The following AUTS2 variants were observed in gnomAD, a reference collection of about 807,000 sequenced individuals.
The protein encoded by AUTS2 is activator of transcription and developmental regulator AUTS2.
In AUTS2, 17 loss-of-function variants were observed where a neutral mutation model predicts 112.4. The ratio of observed to expected loss-of-function variants is 0.15; its 90% CI spans 0.10 to 0.23. The LOEUF (loss-of-function observed/expected upper bound fraction) is 0.23, where lower values mean the gene tolerates loss of function less well. AUTS2 is among the 10% of genes least tolerant of loss of function. AUTS2 has a pLI of 1.00. For synonymous variants in AUTS2, 751 were observed against 702.7 expected (o/e 1.07, Z -1.09); for missense variants, 1,510 against 1,701.6 (o/e 0.89, Z 1.98).
At chr7:70,289,387 G>A (rs961529395) in intron 4 of AUTS2, among the ~76,000 whole-genome samples, 4 of 152,242 alleles carry the variant, frequency 2.6e-5, no homozygotes, top group Admixed American at 1.3e-4. Context: ...TCTTTCATTC[G>A]TGTGCCTATT....
At chr7:70,160,719 C>T (rs932066642) in intron 4 of AUTS2, among the ~76,000 whole-genome samples, 1 of 152,168 alleles carries the variant, frequency 6.6e-6, no homozygotes, top group African/African-American at 2.4e-5. Context: ...TGTGAAAGGG[C>T]CTTCATCAAT....
chr7:70,369,633 A>G (rs1243916500), intron 4 of AUTS2, among the ~76,000 whole-genome samples: 1 of 152,156 alleles, frequency 6.6e-6, no homozygotes, highest in African/African-American at 2.4e-5. Flanking sequence ...ATTATGGGAC[A>G]TCAGGTTGAA....
chr7:70,638,546 G>A (rs891481897), intron 5 of AUTS2, among the ~76,000 whole-genome samples: 1 of 151,622 alleles, frequency 6.6e-6, no homozygotes, highest in South Asian at 2.1e-4. Context: ...GCCTGTTCCC[G>A]ATCACTCACT....
intron 5 of AUTS2, among the ~76,000 whole-genome samples, chr7:70,477,876 A>G (rs1307431040): frequency 6.2e-5 from 2 of 32,238 alleles, no homozygotes; most frequent in Non-Finnish European, 1.1e-4. Flanking sequence ...CATTCACCAA[A>G]GATGTTGGGT....
At chr7:70,386,995 T>TTTA (rs1244941766) in intron 4 of AUTS2, among the ~76,000 whole-genome samples, 5 of 152,200 alleles carry the variant, frequency 3.3e-5, no homozygotes, top group Admixed American at 6.5e-5. Context: ...TGCCCTCTTT[T>TTTA]TTATTCTCTT....
chr7:69,605,676 A>G (rs1203271689), intron 1 of AUTS2, among the ~76,000 whole-genome samples: 1 of 152,214 alleles, frequency 6.6e-6, no homozygotes, highest in Non-Finnish European at 1.5e-5. Flanking sequence ...AAAGGGTCAG[A>G]ACCGCTCTTT....
chr7:69,757,851 A>T (rs1419954574), intron 1 of AUTS2, among the ~76,000 whole-genome samples: 1 of 152,252 alleles, frequency 6.6e-6, no homozygotes, highest in Non-Finnish European at 1.5e-5. Flanking sequence ...AATGTGCAAT[A>T]CAAAAAAAGA....
intron 2 of AUTS2, among the ~76,000 whole-genome samples, chr7:69,966,497 GTC>G (rs1797640998): frequency 1.3e-5 from 2 of 152,186 alleles, no homozygotes; most frequent in Non-Finnish European, 2.9e-5. Context: ...CTGCATTGCT[GTC>G]TCTCTCTTTA....
At chr7:70,107,335 CTTTTTTTTTTTT>C (rs35066322) in intron 2 of AUTS2, among the ~76,000 whole-genome samples, 9 of 96,936 alleles carry the variant, frequency 9.3e-5, no homozygotes, top group African/African-American at 3.2e-4. Flanking sequence ...AGATGAGAAG[CTTTTTTTTTTTT>C]TTTTTTTTTT....
intron 2 of AUTS2, among the ~76,000 whole-genome samples, chr7:70,066,812 T>C (rs1227860091): frequency 6.6e-6 from 1 of 152,196 alleles, no homozygotes; most frequent in Non-Finnish European, 1.5e-5. Flanking sequence ...AGTGCTGGGG[T>C]TACAGGCATG....
chr7:70,685,693 T>G (rs1421526181), intron 5 of AUTS2, among the ~76,000 whole-genome samples: 1 of 152,012 alleles, frequency 6.6e-6, no homozygotes, highest in East Asian at 1.9e-4. Flanking sequence ...CAGGGCCCTC[T>G]TTTACCCTGA....
intron 5 of AUTS2, among the ~76,000 whole-genome samples, chr7:70,576,238 A>G (rs59969518): frequency 0.14 from 21,845 of 152,086 alleles, 1,843 homozygotes; most frequent in Non-Finnish European, 0.18. Context: ...TTCAAGGCCT[A>G]CAAGAGACCC....
rs530960770 is a variant in AUTS2 at position 70,435,850 on chromosome 7, C to T, written c.690+69C>T. The T allele has an allele frequency of 4.0e-5, 61 of 1,529,400 alleles. No individual in the cohort carries two copies. The Admixed American group carries it at 9.7e-4, about 24-fold the overall frequency. 94.7% of individuals were successfully genotyped at this position (1,529,400 alleles called of 1,614,324 possible). On this transcript the variant is annotated intron_variant, in intron 5 of 18. Transcript: ENST00000342771. ...CTGAACACCAGAGTCCTCCCACACA[C>T]AGCTGCAGGGTAGGATGCCAGCTTC... is the stretch of plus-strand genomic sequence containing the variant.
At chr7:70,004,341 A>G (rs1285652308) in intron 2 of AUTS2, among the ~76,000 whole-genome samples, 1 of 131,452 alleles carries the variant, frequency 7.6e-6, no homozygotes, top group Non-Finnish European at 1.6e-5. Flanking sequence ...ATATGAATAT[A>G]TATTCATATA....
chr7:69,910,877 C>T lies in AUTS2; in HGVS notation c.522+11379C>T, dbSNP rs151017874. Among the ~76,000 whole-genome samples, 62 of 152,322 alleles carry T rather than the reference C, an allele frequency of 4.1e-4. 1 individual carries two copies. The highest frequency in any genetic ancestry group is 2.1e-4 in the South Asian group (1 of 4,830). On this transcript the variant is annotated intron_variant, in intron 2 of 18. Coordinates refer to ENST00000342771, the MANE Select transcript of AUTS2 (RefSeq NM_015570.4). ...TCCTGACCTCGTGATCCGCCCGCCT[C>T]GGCCTCTCAAAGTGCTGGGATTACA...
intron 5 of AUTS2, among the ~76,000 whole-genome samples, chr7:70,678,648 G>T (rs1177281934): frequency 6.6e-6 from 1 of 152,092 alleles, no homozygotes; most frequent in African/African-American, 2.4e-5. Context: ...TTATTAGTTG[G>T]GTGAATGCTT....
intron 4 of AUTS2, among the ~76,000 whole-genome samples, chr7:70,335,160 T>C (rs577989124): frequency 6.6e-6 from 1 of 152,324 alleles, no homozygotes; most frequent in African/African-American, 2.4e-5. Flanking sequence ...GGCTTTCTTA[T>C]ATTGAGCATG....
chr7:69,762,293 C>CTTTTTTTT lies in AUTS2; in HGVS notation c.310-136969_310-136962dup, dbSNP rs534032498. On this transcript the variant is annotated intron_variant, in intron 1 of 18. Coordinates refer to ENST00000342771, the MANE Select transcript of AUTS2 (RefSeq NM_015570.4). ...TTCCCAAACATTTTAGCCAAGTTGT[C>CTTTTTTTT]TTTTTTTTTTTTTTTTTTTTTTTTT... Among the ~76,000 whole-genome samples, 24 of 61,596 alleles carry CTTTTTTTT rather than the reference C, an allele frequency of 3.9e-4. 1 individual carries two copies. Among genetic ancestry groups the CTTTTTTTT allele is most frequent in the African/African-American group, 4.5e-4 (7 of 15,412 alleles). 40.4% of individuals were successfully genotyped at this position (61,596 alleles called of 152,430 possible).
At chr7:69,876,139 G>A (rs1469390784) in intron 1 of AUTS2, among the ~76,000 whole-genome samples, 1 of 150,168 alleles carries the variant, frequency 6.7e-6, no homozygotes, top group East Asian at 2.0e-4. Flanking sequence ...GGCCGAGGTG[G>A]GCAGTTCACG....
Sources: gnomAD v4.1 joint callset for allele counts (sites outside exome capture counted in the v4.1 genomes callset) on GRCh38, gnomAD v4.1.1 for gene constraint, MANE v1.5 for transcripts, NCBI Gene and HGNC (gene_info 2026-07-23, HGNC 2026-07-21) for gene names.